The following SPATA9 variants were observed in gnomAD, a reference collection of about 807,000 sequenced individuals.
SPATA9 encodes spermatogenesis associated 9, also known as spermatogenesis-associated protein 9.
Under a neutral mutation model 25.5 loss-of-function variants are expected in SPATA9, and 27 were observed. The observed-to-expected ratio is 1.06, with a 90% CI of 0.78 to 1.46. SPATA9 has a LOEUF of 1.46. Ranked by LOEUF, SPATA9 falls within the 40% of genes most tolerant of loss-of-function variation. The pLI is 0.00. For synonymous variants in SPATA9, 102 were observed against 105.7 expected (o/e 0.97, Z 0.21); for missense variants, 282 against 297.5 (o/e 0.95, Z 0.38).
chr5:95,714,678 G>C, the SPATA9 span, among the ~76,000 whole-genome samples: 6 of 149,478 alleles, frequency 4.0e-5, no homozygotes, highest in African/African-American at 1.2e-4. Context: ...GAGGAAGTTT[G>C]TCTTAATTAT....
intron 8 of SPATA9, chr5:95,653,217 A>G (rs1750467597): frequency 1.3e-6 from 2 of 1,551,690 alleles, no homozygotes; most frequent in Non-Finnish European, 1.7e-6. Context: ...TATCTGAGGT[A>G]AGAAAATGAA....
In SPATA9 at chr5:95,658,677, G is replaced by C; in HGVS notation, c.711C>G (p.Ile237Met). Reference protein sequence around the residue: ...KLLANKQSNNIQVLHSVFDQS... With the variant: ...KLLANKQSNNMQVLHSVFDQS... ...GGTCAAACACAGAATGTAAAACTTGGATGTTATTACTCTGCTTATTAGCAA... is the reference window on the plus strand; with the variant it reads ...GGTCAAACACAGAATGTAAAACTTGCATGTTATTACTCTGCTTATTAGCAA... The change falls in exon 5 of 5, where the codon ATC becomes ATG. Residue 237 changes from isoleucine to methionine, a missense_variant. Physicochemically the swap from Ile to Met is conservative, Grantham distance 10 (BLOSUM62 1). Transcript: ENST00000274432. 3 of 1,613,518 alleles carry C rather than the reference G, an allele frequency of 1.9e-6. No individual in the cohort carries two copies. The highest frequency in any genetic ancestry group is 2.5e-6 in the Non-Finnish European group (3 of 1,179,802).
At chr5:95,664,730 G>A (rs188451241) in intron 3 of SPATA9, among the ~76,000 whole-genome samples, 50 of 152,286 alleles carry the variant, frequency 3.3e-4, no homozygotes, top group African/African-American at 1.1e-3. Flanking sequence ...GAGGACTTTA[G>A]GAAATACATT....
At chr5:95,653,772 C>T (rs1430945514), downstream of SPATA9, among the ~76,000 whole-genome samples, 4 of 152,072 alleles carry the variant, frequency 2.6e-5, no homozygotes, top group South Asian at 2.1e-4. Context: ...GTGGTGGGCT[C>T]CTGTAATCGC....
chr5:95,654,137 A>C, downstream of SPATA9: 1 of 1,612,316 alleles, frequency 6.2e-7, no homozygotes, highest in African/African-American at 1.3e-5. Flanking sequence ...AGAAGATGAC[A>C]TTAAAAAATC....
chr5:95,665,470 C>G (rs1308883906), intron 3 of SPATA9, among the ~76,000 whole-genome samples: 1 of 152,180 alleles, frequency 6.6e-6, no homozygotes, highest in Non-Finnish European at 1.5e-5. Context: ...TGGGTGAGAT[C>G]ATGTGGTACT....
intron 1 of SPATA9, among the ~76,000 whole-genome samples, chr5:95,692,560 T>C (rs1008219105): frequency 1.3e-5 from 2 of 152,060 alleles, no homozygotes; most frequent in Non-Finnish European, 2.9e-5. Flanking sequence ...AGGAAGAATT[T>C]AAGGTTAAGT....
At chr5:95,700,187 A>G (rs1284895529), upstream of SPATA9, among the ~76,000 whole-genome samples, 1 of 152,216 alleles carries the variant, frequency 6.6e-6, no homozygotes, top group African/African-American at 2.4e-5. Context: ...ATATTTAATC[A>G]TGTCAATAAA....
the SPATA9 span, among the ~76,000 whole-genome samples, chr5:95,707,682 G>A: frequency 0.23 from 34,618 of 152,062 alleles, 4,194 homozygotes; most frequent in East Asian, 0.5. Context: ...TATCTTATCA[G>A]TTAATTGCAT....
exon 9 of SPATA9, chr5:95,653,195 G>A: frequency 6.4e-7 from 1 of 1,551,702 alleles, no homozygotes; most frequent in Non-Finnish European, 8.7e-7. Context: ...TGTCATCTCA[G>A]TGACCAGTTT....
At chr5:95,721,352 C>T in the SPATA9 span, among the ~76,000 whole-genome samples, 1 of 152,110 alleles carries the variant, frequency 6.6e-6, no homozygotes, top group African/African-American at 2.4e-5. Context: ...GGAGAGTGTC[C>T]TTGTCCTACC....
intron 1 of SPATA9, among the ~76,000 whole-genome samples, chr5:95,696,541 C>T (rs1049890068): frequency 2.6e-5 from 4 of 152,146 alleles, no homozygotes; most frequent in African/African-American, 7.2e-5. Context: ...AATAGTTTTT[C>T]CAGATAACAG....
In SPATA9 at chr5:95,682,554, T is replaced by C; in HGVS notation, c.124A>G (p.Ile42Val). Residue 42 changes from isoleucine (I) to valine (V), a missense_variant, in exon 2 of 5, where the codon ATC (isoleucine) becomes GTC (valine). Physicochemically the swap from Ile to Val is conservative, Grantham distance 29 (BLOSUM62 3). Transcript: ENST00000274432. ...VDEFKDEFPT[I>V]LRLSQSNQKR... ...TGATTAGACTGTGATAATCTTAGGA[T>C]GGTGGGAAATTCATCTTTAAACTCA... 6.2e-7 allele frequency: 1 copy of C among 1,613,070 alleles called. No homozygotes were observed. Among genetic ancestry groups the C allele is most frequent in the East Asian group, 2.2e-5 (1 of 44,864 alleles).
downstream of SPATA9, chr5:95,652,398 G>A (rs983097788): frequency 3.3e-6 from 5 of 1,532,230 alleles, no homozygotes; most frequent in African/African-American, 6.9e-5. Context: ...CTCGACTTTA[G>A]TCTCATATAT....
chr5:95,719,049 T>G, the SPATA9 span, among the ~76,000 whole-genome samples: 1 of 151,994 alleles, frequency 6.6e-6, no homozygotes, highest in Non-Finnish European at 1.5e-5. Flanking sequence ...AAGGTCATCA[T>G]GGAAAAAGGG....
At chr5:95,666,214 A>T (rs1457652748) in intron 3 of SPATA9, among the ~76,000 whole-genome samples, 1 of 152,188 alleles carries the variant, frequency 6.6e-6, no homozygotes, top group African/African-American at 2.4e-5. Flanking sequence ...GTGAGGTTTA[A>T]ACTGGAAATA....
At chr5:95,707,661 G>A in the SPATA9 span, among the ~76,000 whole-genome samples, 1 of 152,202 alleles carries the variant, frequency 6.6e-6, no homozygotes, top group African/African-American at 2.4e-5. Context: ...TGCTGATATA[G>A]CTTGCCACAG....
At chr5:95,665,401 TCTC>T (rs963553600) in intron 3 of SPATA9, among the ~76,000 whole-genome samples, 3 of 152,182 alleles carry the variant, frequency 2.0e-5, no homozygotes, top group Admixed American at 2.0e-4. Flanking sequence ...TAACCACTGT[TCTC>T]CTCTCTGCTT....
At position 95,658,939 on chromosome 5, in the gene SPATA9, G is replaced by A. The variant is rs1750990127; in HGVS notation, c.475-26C>T. 1.0e-5 allele frequency: 16 copies of A among 1,557,566 alleles called. No individual in the cohort carries two copies. The East Asian group carries it at 3.4e-4, about 33-fold the overall frequency. On this transcript the variant is annotated intron_variant, in intron 4 of 4. Coordinates refer to ENST00000274432, the MANE Select transcript of SPATA9 (RefSeq NM_031952.4). ...CTATACAATAAAAAGAGTTTGTAAA[G>A]TGAAGTTTCTTTTTAAGCTACTAAC...
Sources: allele counts gnomAD v4.1 joint callset (sites outside exome capture counted in the v4.1 genomes callset), GRCh38; gene constraint gnomAD v4.1.1; transcripts MANE v1.5; gene names NCBI Gene and HGNC (gene_info 2026-07-23, HGNC 2026-07-21).